SMG6: variants seen among roughly 807,000 people sequenced by gnomAD.
SMG6 encodes the protein SMG6 nonsense mediated mRNA decay factor.
A neutral mutation model predicts 142.2 loss-of-function variants in SMG6; 66 were observed. That is an observed-to-expected ratio of 0.46 (90% CI 0.38 to 0.57). The LOEUF is 0.57. SMG6 is among the 20% of genes least tolerant of loss of function. The probability of loss-of-function intolerance (pLI) is 0.00; values close to 1 mark genes in which losing one functional copy is unlikely to be tolerated. For synonymous variants in SMG6, 779 were observed against 702.4 expected (o/e 1.11, Z -1.72); for missense variants, 1,793 against 1,832.0 (o/e 0.98, Z 0.39).
intron 13 of SMG6, among the ~76,000 whole-genome samples, chr17:2,106,825 A>ATTT (rs71769762): frequency 7.0e-6 from 1 of 143,244 alleles, no homozygotes; most frequent in African/African-American, 2.6e-5. Context: ...CTAGGCAGGA[A>ATTT]TTTTTTTTTT....
intron 13 of SMG6, among the ~76,000 whole-genome samples, chr17:2,109,372 T>G (rs2069244782): frequency 6.6e-6 from 1 of 152,178 alleles, no homozygotes; most frequent in South Asian, 2.1e-4. Flanking sequence ...CAAGTGATTC[T>G]CGTGCCTCAG....
chr17:2,230,222 G>GAAAA (rs1491121338), intron 10 of SMG6, among the ~76,000 whole-genome samples: 9 of 29,850 alleles, frequency 3.0e-4, no homozygotes, highest in Non-Finnish European at 4.0e-4. Flanking sequence ...AAAAAAAAAA[G>GAAAA]GAAAAGAAAG....
intron 10 of SMG6, among the ~76,000 whole-genome samples, chr17:2,227,698 G>C (rs531842624): frequency 3.2e-4 from 49 of 152,194 alleles, no homozygotes; most frequent in African/African-American, 1.1e-3. Flanking sequence ...TGACTGAAGT[G>C]CATGCTTAAA....
intron 16 of SMG6, among the ~76,000 whole-genome samples, chr17:2,067,586 TG>T (rs1214077717): frequency 6.6e-6 from 1 of 152,186 alleles, no homozygotes; most frequent in African/African-American, 2.4e-5. Flanking sequence ...TGACAGAAAC[TG>T]TTCTACTGTT....
intron 8 of SMG6, among the ~76,000 whole-genome samples, chr17:2,245,594 AG>A (rs1321862952): frequency 2.6e-5 from 4 of 152,194 alleles, no homozygotes; most frequent in African/African-American, 9.7e-5. Flanking sequence ...CATGTCGGCC[AG>A]GCTGGTCTCC....
chr17:2,187,360 A>G (rs1312311640), intron 11 of SMG6, among the ~76,000 whole-genome samples: 2 of 152,232 alleles, frequency 1.3e-5, no homozygotes, highest in Non-Finnish European at 2.9e-5. Flanking sequence ...AGAGCAGAAA[A>G]CAACTTTTTT....
chr17:2,258,835 C>G (rs2074251548), intron 8 of SMG6, among the ~76,000 whole-genome samples: 1 of 150,806 alleles, frequency 6.6e-6, no homozygotes, highest in Admixed American at 6.6e-5. Flanking sequence ...ATGGCTCACA[C>G]CTGCAATTCC....
At chr17:2,225,156 T>C (rs986621476) in intron 10 of SMG6, among the ~76,000 whole-genome samples, 2 of 151,856 alleles carry the variant, frequency 1.3e-5, no homozygotes, top group African/African-American at 2.4e-5. Flanking sequence ...GGGTCTGAAA[T>C]GCAAAAGTGA....
At chr17:2,141,810 G>A (rs1269959030) in intron 13 of SMG6, among the ~76,000 whole-genome samples, 1 of 152,140 alleles carries the variant, frequency 6.6e-6, no homozygotes, top group Non-Finnish European at 1.5e-5. Context: ...CTGGAGCAGA[G>A]GCCATTGAGA....
intron 9 of SMG6, among the ~76,000 whole-genome samples, chr17:2,242,689 T>TA (rs57079220): frequency 4.3e-4 from 24 of 55,846 alleles, no homozygotes; most frequent in African/African-American, 9.1e-4. Flanking sequence ...TCCATCTCTT[T>TA]AAAAAAAAAA....
intron 18 of SMG6, chr17:2,062,988 CAG>C (rs2067827742): frequency 6.6e-6 from 1 of 152,652 alleles, no homozygotes; most frequent in Non-Finnish European, 1.5e-5. Context: ...AGGGGATACT[CAG>C]AGACTACTCA....
At chr17:2,119,889 C>G (rs1274297953) in intron 13 of SMG6, among the ~76,000 whole-genome samples, 1 of 152,280 alleles carries the variant, frequency 6.6e-6, no homozygotes, top group South Asian at 2.1e-4. Context: ...GTCTCGATCT[C>G]CTGACCTCGC....
At chr17:2,129,793 CAAA>C (rs57556112) in intron 13 of SMG6, among the ~76,000 whole-genome samples, 4 of 56,318 alleles carry the variant, frequency 7.1e-5, no homozygotes, top group Non-Finnish European at 1.3e-4. Flanking sequence ...GGCTCTGTCT[CAAA>C]AAAAAAAAAA....
At chr17:2,106,317 G>T (rs1597392338) in intron 13 of SMG6, among the ~76,000 whole-genome samples, 1 of 152,228 alleles carries the variant, frequency 6.6e-6, no homozygotes, top group African/African-American at 2.4e-5. Flanking sequence ...ACATGCCATT[G>T]TTCCATGCCC....
intron 8 of SMG6, among the ~76,000 whole-genome samples, chr17:2,278,682 A>G (rs2074715194): frequency 6.6e-6 from 1 of 152,190 alleles, no homozygotes; most frequent in Admixed American, 6.5e-5. Context: ...TAGTACCTAA[A>G]TGACTAATGT....
chr17:2,190,984 C>T (rs1414045956), intron 10 of SMG6, among the ~76,000 whole-genome samples: 1 of 152,182 alleles, frequency 6.6e-6, no homozygotes, highest in Admixed American at 6.5e-5. Flanking sequence ...ACCTAGAGCA[C>T]CTCCTGGAAG....
chr17:2,201,315 T>C (rs1376547758), intron 10 of SMG6, among the ~76,000 whole-genome samples: 3 of 152,132 alleles, frequency 2.0e-5, no homozygotes, highest in Non-Finnish European at 2.9e-5. Flanking sequence ...CCCAACAGCA[T>C]GGCAATAATA....
rs761334169 is a variant in SMG6, at chr17:2,292,950, G to A, written c.2179C>T (p.Arg727Ter). The A allele has an allele frequency of 4.3e-6, 7 of 1,613,892 alleles. No homozygotes were observed. Among genetic ancestry groups the A allele is most frequent in the South Asian group, 1.1e-5 (1 of 91,072 alleles). The change falls in exon 5 of 19, where the codon CGA becomes TGA. Residue 727 changes from arginine to a stop codon, truncating the protein, a stop_gained. Coordinates refer to ENST00000263073, the MANE Select transcript of SMG6 (RefSeq NM_017575.5). LOFTEE classifies it high-confidence loss of function. ...ATATCTCCTTGGCATATCATGCATC[G>A]CTGGGCACTGATCAAGGCATATTTT... is the stretch of plus-strand genomic sequence containing the variant. ...TVKYALISAQ[R>*]CMICQGDIAR...
At chr17:2,218,411 C>T (rs149775151) in intron 10 of SMG6, among the ~76,000 whole-genome samples, 1,542 of 152,038 alleles carry the variant, frequency 0.01, 31 homozygotes, top group African/African-American at 0.034. Context: ...TAGCCGGACA[C>T]GGTGGCGGGC....
Sources: gnomAD v4.1 joint callset for allele counts (sites outside exome capture counted in the v4.1 genomes callset) on GRCh38, gnomAD v4.1.1 for gene constraint, MANE v1.5 for transcripts, NCBI Gene and HGNC (gene_info 2026-07-23, HGNC 2026-07-21) for gene names.